ALX1: variants seen among roughly 807,000 people sequenced by gnomAD.
ALX1 encodes ALX homeobox protein 1.
ALX1 carries 19 observed loss-of-function variants against 31.7 expected under a neutral mutation model. The ratio of observed to expected loss-of-function variants is 0.60; its 90% CI spans 0.42 to 0.88. The LOEUF (loss-of-function observed/expected upper bound fraction) is 0.88. Ranked by LOEUF, ALX1 falls within the 40% of genes least tolerant of loss-of-function variation. The pLI is 0.00. For missense variants in ALX1, 415 were observed against 407.8 expected (o/e 1.02, Z -0.15); for synonymous variants, 153 against 148.8 (o/e 1.03, Z -0.20).
At chr12:85,280,901 A>AC (rs1896662771) in intron 1 of ALX1, among the ~76,000 whole-genome samples, 2 of 151,976 alleles carry the variant, frequency 1.3e-5, no homozygotes, top group Admixed American at 1.3e-4. Flanking sequence ...ACAGCTCGTT[A>AC]GAGTACGTCA....
chr12:85,300,491 T>A (rs890255295), intron 3 of ALX1, among the ~76,000 whole-genome samples: 3 of 152,126 alleles, frequency 2.0e-5, no homozygotes, highest in Non-Finnish European at 4.4e-5. Flanking sequence ...TTGTTTTACA[T>A]GTCACATGTC....
chr12:85,287,922 C>A (rs1335692743), intron 3 of ALX1, among the ~76,000 whole-genome samples: 1 of 151,546 alleles, frequency 6.6e-6, no homozygotes, highest in African/African-American at 2.4e-5. Flanking sequence ...AGTTCACTAA[C>A]TAGATGATCT....
intron 3 of ALX1, among the ~76,000 whole-genome samples, chr12:85,295,902 C>T (rs1410420809): frequency 9.2e-5 from 14 of 151,434 alleles, no homozygotes; most frequent in Admixed American, 2.0e-4. Context: ...AAGGTTGTTA[C>T]TTACATATTT....
At position 85,280,290 on chromosome 12, in the gene ALX1, T is replaced by G; in HGVS notation, c.29T>G (p.Leu10Arg). The G allele has an allele frequency of 6.2e-7, 1 of 1,612,438 alleles. No homozygotes were observed. Among genetic ancestry groups the G allele is most frequent in the Non-Finnish European group, 8.5e-7 (1 of 1,179,384 alleles). Residue 10 changes from leucine (L) to arginine (R), a missense_variant, in exon 1 of 4, where the codon CTC (leucine) becomes CGC (arginine). Coordinates refer to ENST00000316824, the MANE Select transcript of ALX1 (RefSeq NM_006982.3). MEFLSEKFALKSPPSKNSDF... is the reference protein window; with the variant it reads MEFLSEKFARKSPPSKNSDF... ...GAGTTTCTGAGCGAGAAGTTTGCCC[T>G]CAAGAGCCCTCCGAGTAAAAACAGT...
Position 85,280,487 on chromosome 12 carries a change from G to C in ALX1, c.226G>C (p.Val76Leu). 1 of 1,610,222 alleles carries C rather than the reference G, an allele frequency of 6.2e-7. No individual in the cohort carries two copies. The highest frequency in any genetic ancestry group is 8.5e-7 in the Non-Finnish European group (1 of 1,179,834). ...ERTSPCQDSSVNYGITKVEGQ... is the reference protein window; with the variant it reads ...ERTSPCQDSSLNYGITKVEGQ... ...GACCTCGCCCTGTCAGGACAGCAGC[G>C]GTGAGTCGCTAGCGCCCCAGCCGGA... Residue 76 changes from valine (V) to leucine (L), a missense_variant and splice_region_variant, in exon 1 of 4, where the codon GTG (valine) becomes CTG (leucine). By Grantham distance (32) the Val-to-Leu change is conservative. This residue lies in a region of ALX1 where 235 missense variants were observed against 208.9 expected (regional missense o/e 1.13). Transcript: ENST00000316824.
rs573877751 is a variant in ALX1, at chr12:85,293,532, A to T, written c.660+6551A>T. Among the ~76,000 whole-genome samples, 185 of 150,888 alleles carry T rather than the reference A, an allele frequency of 1.2e-3. 2 individuals are homozygous for T. The highest frequency in any genetic ancestry group is 4.3e-3 in the African/African-American group (179 of 41,380). ...ATATCCTCCAAAAGAAACAAAGTGC[A>T]CTCCTGTCAATTATGAAAATAATTA... On this transcript the variant is annotated intron_variant, in intron 3 of 3. Coordinates refer to ENST00000316824, the MANE Select transcript of ALX1 (RefSeq NM_006982.3).
intron 3 of ALX1, among the ~76,000 whole-genome samples, chr12:85,300,544 T>G (rs1183784854): frequency 1.3e-5 from 2 of 152,094 alleles, no homozygotes; most frequent in Admixed American, 6.6e-5. Context: ...CAGAATAAAT[T>G]TTTAAAATAT....
At chr12:85,295,965 C>T (rs907218519) in intron 3 of ALX1, among the ~76,000 whole-genome samples, 1 of 151,618 alleles carries the variant, frequency 6.6e-6, no homozygotes, top group African/African-American at 2.4e-5. Flanking sequence ...CTAAATAGCA[C>T]TAATATTAGG....
chr12:85,283,945 T>C (rs992522848), intron 2 of ALX1, 69 bp downstream of exon 2: 10 of 1,543,644 alleles, frequency 6.5e-6, no homozygotes, highest in Non-Finnish European at 7.1e-6. Flanking sequence ...ATTGAATAAG[T>C]GCATTTTGCC....
At chr12:85,299,500 CTCTT>C in intron 3 of ALX1, among the ~76,000 whole-genome samples, 1 of 151,496 alleles carries the variant, frequency 6.6e-6, no homozygotes, top group Non-Finnish European at 1.5e-5. Flanking sequence ...GTAGATTTCT[CTCTT>C]TGTCTCTTTC....
chr12:85,282,082 A>C (rs1050715632), intron 1 of ALX1, among the ~76,000 whole-genome samples: 9 of 152,146 alleles, frequency 5.9e-5, no homozygotes, highest in Non-Finnish European at 1.3e-4. Context: ...AGATGCCCTT[A>C]GCCTCTCTGA....
intron 2 of ALX1, among the ~76,000 whole-genome samples, chr12:85,284,184 C>A (rs1896718093): frequency 6.7e-6 from 1 of 148,594 alleles, no homozygotes; most frequent in African/African-American, 2.5e-5. Context: ...GGATGAAAAG[C>A]AGAATCATGA....
At position 85,301,300 on chromosome 12, in the gene ALX1, A is replaced by G; in HGVS notation, c.806A>G (p.Gln269Arg). 1 of 1,614,066 alleles carries G rather than the reference A, an allele frequency of 6.2e-7. No homozygotes were observed. Among genetic ancestry groups the G allele is most frequent in the Non-Finnish European group, 8.5e-7 (1 of 1,179,972 alleles). Residue 269 changes from glutamine to arginine, a missense_variant, in exon 4 of 4, where the codon CAG (glutamine) becomes CGG (arginine). Gln to Arg is a conservative substitution (Grantham distance 43). This residue lies in a region of ALX1 where 174 missense variants were observed against 177.5 expected (regional missense o/e 0.98). Coordinates refer to ENST00000316824, the MANE Select transcript of ALX1 (RefSeq NM_006982.3). The part of the protein sequence containing the change: ...DSSYTGFSNH[Q>R]NQFSHVPLNN... Reference sequence around the variant, plus strand: ...AGTTACACGGGGTTTTCAAACCACCAGAACCAGTTCAGCCACGTGCCCCTC... The same window carrying G: ...AGTTACACGGGGTTTTCAAACCACCGGAACCAGTTCAGCCACGTGCCCCTC...
chr12:85,297,598 G>A (rs1054597119), intron 3 of ALX1, among the ~76,000 whole-genome samples: 2 of 151,524 alleles, frequency 1.3e-5, no homozygotes, highest in Non-Finnish European at 3.0e-5. Context: ...CTTATCACAA[G>A]AGGTAAACAA....
At chr12:85,286,262 A>T (rs1896745795) in intron 2 of ALX1, among the ~76,000 whole-genome samples, 1 of 151,800 alleles carries the variant, frequency 6.6e-6, no homozygotes, top group African/African-American at 2.4e-5. Flanking sequence ...ATAATATGTA[A>T]TCTCATTTTT....
intron 2 of ALX1, among the ~76,000 whole-genome samples, chr12:85,285,131 A>C (rs1281125709): frequency 6.6e-6 from 1 of 152,120 alleles, no homozygotes; most frequent in Admixed American, 6.6e-5. Flanking sequence ...TATTTAAATT[A>C]GTTATACTTG....
At chr12:85,283,437 T>G in intron 1 of ALX1, 135 bp from the exon 2 acceptor site, 1 of 855,552 alleles carries the variant, frequency 1.2e-6, no homozygotes, top group Non-Finnish European at 1.9e-6. Flanking sequence ...AGAAATGTGG[T>G]AATTGAATTA....
chr12:85,280,595 G>A (rs1896656810), intron 1 of ALX1, 108 bp downstream of exon 1: 5 of 1,221,680 alleles, frequency 4.1e-6, no homozygotes, highest in Non-Finnish European at 5.8e-6. Context: ...TGGGAGCGAG[G>A]GACCTGGAAG....
chr12:85,301,508 C>G lies in ALX1; in HGVS notation c.*33C>G. The G allele has an allele frequency of 6.3e-7, 1 of 1,590,516 alleles. No individual in the cohort carries two copies. Among genetic ancestry groups the G allele is most frequent in the Non-Finnish European group, 8.6e-7 (1 of 1,162,518 alleles). ...TACTCTTTTATTTTTCTTTTAATAG[C>G]AAAGTTAAACATTCTTATTTCTCAT... On this transcript the variant is annotated 3_prime_UTR_variant, in exon 4 of 4. Coordinates refer to ENST00000316824, the MANE Select transcript of ALX1 (RefSeq NM_006982.3).
Sources: allele counts gnomAD v4.1 joint callset (sites outside exome capture counted in the v4.1 genomes callset), GRCh38; gene constraint gnomAD v4.1.1; regional missense constraint gnomAD v4.1.1; transcripts MANE v1.5; gene names NCBI Gene and HGNC (gene_info 2026-07-23, HGNC 2026-07-21).